The following ELSPBP1 variants were observed in gnomAD, a reference collection of about 807,000 sequenced individuals.
ELSPBP1 encodes epididymal sperm binding protein 1.
A neutral mutation model predicts 33.3 loss-of-function variants in ELSPBP1; 38 were observed. That is an observed-to-expected ratio of 1.14 (90% CI 0.88 to 1.50). The LOEUF (loss-of-function observed/expected upper bound fraction) is 1.50. Ranked by LOEUF, ELSPBP1 falls within the 40% of genes most tolerant of loss-of-function variation. The pLI is 0.00. For synonymous variants in ELSPBP1, 85 were observed against 94.1 expected (o/e 0.90, Z 0.56); for missense variants, 267 against 263.5 (o/e 1.01, Z -0.09).
At chr19:48,017,208 A>G (rs1967151861) in intron 4 of ELSPBP1, among the ~76,000 whole-genome samples, 1 of 152,186 alleles carries the variant, frequency 6.6e-6, no homozygotes, top group Admixed American at 6.5e-5. Flanking sequence ...TGTTGCGTCC[A>G]CAGAGACAAA....
At chr19:48,023,429 A>AAG (rs1967228375) in intron 6 of ELSPBP1, among the ~76,000 whole-genome samples, 1 of 114,306 alleles carries the variant, frequency 8.7e-6, no homozygotes, top group Non-Finnish European at 1.8e-5. Context: ...GGAGGGAAGG[A>AAG]GGAAGGGAGA....
intron 1 of ELSPBP1, among the ~76,000 whole-genome samples, chr19:48,005,889 T>C (rs1967012638): frequency 6.6e-6 from 1 of 152,188 alleles, no homozygotes; most frequent in Admixed American, 6.5e-5. Context: ...CCTACCACGT[T>C]GGGCTACTTC....
At chr19:48,020,614 G>A (rs1233785745) in intron 5 of ELSPBP1, among the ~76,000 whole-genome samples, 1 of 152,182 alleles carries the variant, frequency 6.6e-6, no homozygotes, top group Non-Finnish European at 1.5e-5. Context: ...GAAAGATGAG[G>A]ACACTGGAAT....
intron 4 of ELSPBP1, among the ~76,000 whole-genome samples, chr19:48,018,984 T>TA (rs1443959521): frequency 1.3e-5 from 2 of 152,072 alleles, no homozygotes; most frequent in African/African-American, 2.4e-5. Context: ...TGAAACCCCT[T>TA]CTCTAATAAA....
intron 2 of ELSPBP1, among the ~76,000 whole-genome samples, chr19:48,009,892 C>G (rs1967059989): frequency 6.6e-6 from 1 of 152,052 alleles, no homozygotes; most frequent in Admixed American, 6.6e-5. Context: ...ATCCTGGAGC[C>G]CCAACATCCC....
At chr19:48,016,175 A>T (rs1967130789) in intron 4 of ELSPBP1, 136 bp downstream of exon 4, 1 of 1,040,210 alleles carries the variant, frequency 9.6e-7, no homozygotes, top group African/African-American at 1.6e-5. Flanking sequence ...GTGTCTGCTC[A>T]GAGAGTTCGC....
intron 6 of ELSPBP1, among the ~76,000 whole-genome samples, chr19:48,023,486 G>GTGA (rs1967230993): frequency 2.4e-5 from 1 of 41,314 alleles, no homozygotes; most frequent in Non-Finnish European, 7.6e-5. Context: ...GAGGAGGGAA[G>GTGA]GGAGGGAGGG....
At chr19:48,001,346 A>ATTTTTT (rs67597303) in intron 1 of ELSPBP1, among the ~76,000 whole-genome samples, 3 of 144,690 alleles carry the variant, frequency 2.1e-5, no homozygotes, top group African/African-American at 7.7e-5. Flanking sequence ...CACCCAGCTA[A>ATTTTTT]TTTTTTTTTT....
chr19:48,020,360 G>T (rs1005689466), intron 5 of ELSPBP1, among the ~76,000 whole-genome samples: 1 of 152,024 alleles, frequency 6.6e-6, no homozygotes, highest in Non-Finnish European at 1.5e-5. Flanking sequence ...CCAACAAAAG[G>T]CTCAAACATT....
At chr19:48,010,962 C>G (rs1038329825) in intron 2 of ELSPBP1, among the ~76,000 whole-genome samples, 4 of 152,144 alleles carry the variant, frequency 2.6e-5, no homozygotes, top group Non-Finnish European at 4.4e-5. Flanking sequence ...ATCCTATATA[C>G]TCAGTGGTGT....
In ELSPBP1 at chr19:48,016,527, TCTTC is replaced by T. The variant is rs1292111942; in HGVS notation, c.355+527_355+530del. On this transcript the variant is annotated intron_variant, in intron 4 of 6. Transcript: ENST00000339841. Reference sequence around the variant, plus strand: ...TTCTTTCTTTCTTTCTTTCTTTCTTTCTTCCTTCCTTCCTTCCTTCCTTCCTTCC... The same window carrying T: ...TTCTTTCTTTCTTTCTTTCTTTCTTTCTTCCTTCCTTCCTTCCTTCCTTCC... Among the ~76,000 whole-genome samples the T allele has an allele frequency of 3.1e-3, 156 of 50,474 alleles. 3 individuals are homozygous for T. Among genetic ancestry groups the T allele is most frequent in the East Asian group, 0.015 (26 of 1,762 alleles). 33.1% of individuals were successfully genotyped at this position (50,474 alleles called of 152,430 possible).
chr19:48,015,970 G>A lies in ELSPBP1; in HGVS notation c.286G>A (p.Gly96Ser), dbSNP rs765662548. 2 of 1,614,070 alleles carry A rather than the reference G, an allele frequency of 1.2e-6. No homozygotes were observed. Among genetic ancestry groups the A allele is most frequent in the Admixed American group, 3.3e-5 (2 of 60,022 alleles). Reference sequence around the variant, plus strand: ...CTGCATCTCCCAGGGCAGCTTCTTAGGCAGTCTGTGGTGCTCAGTCACCTC... The same window carrying A: ...CTGCATCTCCCAGGGCAGCTTCTTAAGCAGTCTGTGGTGCTCAGTCACCTC... Reference protein sequence around the residue: ...NSCISQGSFLGSLWCSVTSVF... With the variant: ...NSCISQGSFLSSLWCSVTSVF... The change falls in exon 4 of 7, where the codon GGC becomes AGC. Residue 96 changes from glycine (G) to serine (S), a missense_variant. Coordinates refer to ENST00000339841, the MANE Select transcript of ELSPBP1 (RefSeq NM_022142.5).
chr19:47,994,632 A>C lies in ELSPBP1; in HGVS notation c.-197A>C, dbSNP rs1306315589. ...ATTAACCACAGCTGATCTCATCCAG[A>C]CTGCCTTCTGACAGTAACCACTGAT... On this transcript the variant is annotated 5_prime_UTR_variant, in exon 1 of 7. Transcript: ENST00000339841. 2 of 152,250 alleles carry C rather than the reference A, an allele frequency of 1.3e-5. No homozygotes were observed. Among genetic ancestry groups the C allele is most frequent in the Non-Finnish European group, 2.9e-5 (2 of 68,090 alleles). 9.4% of individuals were successfully genotyped at this position (152,250 alleles called of 1,614,324 possible).
intron 1 of ELSPBP1, among the ~76,000 whole-genome samples, chr19:48,006,107 T>C (rs12611357): frequency 0.2 from 30,223 of 151,912 alleles, 3,252 homozygotes; most frequent in East Asian, 0.44. Context: ...ACTACAGGCA[T>C]GCACCACCAT....
chr19:48,023,021 G>A (rs908929911), intron 6 of ELSPBP1, among the ~76,000 whole-genome samples: 2 of 151,878 alleles, frequency 1.3e-5, no homozygotes, highest in South Asian at 2.1e-4. Flanking sequence ...CCCAGCCTGG[G>A]GAACAGAGTG....
chr19:48,018,982 C>A (rs561948675), intron 4 of ELSPBP1, among the ~76,000 whole-genome samples: 1 of 152,078 alleles, frequency 6.6e-6, no homozygotes, highest in Non-Finnish European at 1.5e-5. Context: ...GGTGAAACCC[C>A]TTCTCTAATA....
rs1258881695 is a variant in ELSPBP1 at position 48,019,841 on chromosome 19, G to A, written c.478G>A (p.Asp160Asn). ...CTGGTGCCCAACCACAGAGAACATG[G>A]ATAAGGATGGAAAGTGGAGTTTCTG... Reference protein sequence around the residue: ...KLWCPTTENMDKDGKWSFCAD... With the variant: ...KLWCPTTENMNKDGKWSFCAD... The change falls in exon 5 of 7, where the codon GAT (aspartate) becomes AAT (asparagine). Residue 160 changes from aspartate to asparagine, a missense_variant. By Grantham distance (23) the Asp-to-Asn change is conservative (BLOSUM62 1). Coordinates refer to ENST00000339841, the MANE Select transcript of ELSPBP1 (RefSeq NM_022142.5). 4 of 1,571,286 alleles carry A rather than the reference G, an allele frequency of 2.5e-6. No homozygotes were observed. The highest frequency in any genetic ancestry group is 2.6e-6 in the Non-Finnish European group (3 of 1,152,924).
intron 6 of ELSPBP1, among the ~76,000 whole-genome samples, chr19:48,023,192 A>G (rs1437100310): frequency 3.3e-5 from 4 of 122,638 alleles, no homozygotes; most frequent in Admixed American, 8.1e-5. Flanking sequence ...GAAAGAACGG[A>G]GGGGAAAGGA....
At chr19:48,022,885 T>TAG (rs1384813267) in intron 6 of ELSPBP1, among the ~76,000 whole-genome samples, 1 of 44,646 alleles carries the variant, frequency 2.2e-5, no homozygotes, top group Non-Finnish European at 5.2e-5. Flanking sequence ...ACCCTGTCTC[T>TAG]ACAAAAAAAA....
Sources: gnomAD v4.1 joint callset for allele counts (sites outside exome capture counted in the v4.1 genomes callset) on GRCh38, gnomAD v4.1.1 for gene constraint, MANE v1.5 for transcripts, NCBI Gene and HGNC (gene_info 2026-07-23, HGNC 2026-07-21) for gene names.